Variants in RAPGEF4 observed in about 807,000 individuals in gnomAD.
RAPGEF4 encodes Rap guanine nucleotide exchange factor 4, also known as RAP guanine-nucleotide-exchange factor (GEF) 4.
RAPGEF4 carries 66 observed loss-of-function variants against 147.9 expected under a neutral mutation model. The ratio of observed to expected loss-of-function variants is 0.45; its 90% confidence interval spans 0.37 to 0.55. The LOEUF (loss-of-function observed/expected upper bound fraction) is 0.55, where lower values mean the gene tolerates loss of function less well. Among genes scored for constraint, RAPGEF4 ranks in the 20% least tolerant of loss-of-function variants. The pLI, the probability that RAPGEF4 is intolerant of heterozygous loss-of-function variation, is 0.00. For missense variants in RAPGEF4, 1,071 were observed against 1,257.3 expected, an observed-to-expected ratio of 0.85 and a Z score of 2.24; for synonymous variants, 419 against 442.7, an observed-to-expected ratio of 0.95 and a Z score of 0.67.
intron 4 of RAPGEF4, among the ~76,000 whole-genome samples, chr2:172,871,922 T>C (rs1161945620): frequency 6.6e-6 from 1 of 152,188 alleles, no homozygotes; most frequent in Non-Finnish European, 1.5e-5. Flanking sequence ...ACCAACTTGC[T>C]TGGAGTCACA....
At chr2:172,959,174 T>G (rs1689036260) in intron 6 of RAPGEF4, among the ~76,000 whole-genome samples, 1 of 152,222 alleles carries the variant, frequency 6.6e-6, no homozygotes, top group African/African-American at 2.4e-5. Flanking sequence ...GTGCTATTGT[T>G]TAGAAGTCTG....
intron 23 of RAPGEF4, among the ~76,000 whole-genome samples, chr2:173,022,163 G>A (rs1489521984): frequency 2.6e-5 from 4 of 152,194 alleles, no homozygotes; most frequent in Non-Finnish European, 4.4e-5. Flanking sequence ...CGGGTGCTGG[G>A]GACTCTCTTG....
chr2:172,824,642 G>T (rs1013032958), intron 4 of RAPGEF4, among the ~76,000 whole-genome samples: 5 of 152,194 alleles, frequency 3.3e-5, no homozygotes, highest in Non-Finnish European at 7.3e-5. Context: ...ATGTGGAATG[G>T]TTATTGGAAG....
intron 29 of RAPGEF4, among the ~76,000 whole-genome samples, chr2:173,045,472 A>C (rs12105095): frequency 0.041 from 6,291 of 152,326 alleles, 340 homozygotes; most frequent in African/African-American, 0.12. Context: ...GAAATTGAGA[A>C]TATTTAGGCT....
chr2:172,964,531 G>T (rs969697996), intron 8 of RAPGEF4, among the ~76,000 whole-genome samples: 3 of 148,250 alleles, frequency 2.0e-5, no homozygotes, highest in Non-Finnish European at 4.4e-5. Context: ...CTTCAAGATT[G>T]TTCCCAAAGT....
chr2:172,785,061 G>T (rs1685063045), intron 1 of RAPGEF4, among the ~76,000 whole-genome samples: 1 of 152,232 alleles, frequency 6.6e-6, no homozygotes, highest in South Asian at 2.1e-4. Flanking sequence ...TTGACCTCAG[G>T]TGATCTGCCC....
intron 1 of RAPGEF4, among the ~76,000 whole-genome samples, chr2:172,737,648 AT>A (rs966357313): frequency 6.6e-6 from 1 of 151,756 alleles, no homozygotes; most frequent in African/African-American, 2.4e-5. Context: ...CTTGAAATGG[AT>A]TTTTTAGAGC....
rs1696698184 is a variant in RAPGEF4, at chr2:173,026,714, G to C, written c.2379+17G>C. 1 of 1,612,894 alleles carries C rather than the reference G, an allele frequency of 6.2e-7. No individual in the cohort carries two copies. The highest frequency in any genetic ancestry group is 1.3e-5 in the African/African-American group (1 of 75,020). On this transcript the variant is annotated intron_variant, in intron 24 of 30. Coordinates refer to ENST00000397081, the MANE Select transcript of RAPGEF4 (RefSeq NM_007023.4). ...GTGCATGAGGTAAGATGCAGGATCAGATGTGTTAGTAGCTGAGATAGCAAG... is the reference window on the plus strand; with the variant it reads ...GTGCATGAGGTAAGATGCAGGATCACATGTGTTAGTAGCTGAGATAGCAAG...
intron 21 of RAPGEF4, 147 bp downstream of exon 21, chr2:173,017,651 C>A: frequency 1.4e-6 from 1 of 708,390 alleles, no homozygotes; most frequent in Non-Finnish European, 2.3e-6. Flanking sequence ...CCTTTGGTGG[C>A]CCGATTATTT....
At chr2:173,017,566 GCAT>G in intron 21 of RAPGEF4, 62 bp downstream of exon 21, 1 of 1,487,596 alleles carries the variant, frequency 6.7e-7, no homozygotes, top group Middle Eastern at 2.0e-4. Context: ...ATAATGGTAA[GCAT>G]CACCTTGGAC....
chr2:172,950,485 T>C (rs1688106097), intron 6 of RAPGEF4, among the ~76,000 whole-genome samples: 1 of 152,226 alleles, frequency 6.6e-6, no homozygotes, highest in South Asian at 2.1e-4. Context: ...AAATGGAGTG[T>C]GTTTTTTTCC....
In RAPGEF4 at chr2:173,033,649, T is replaced by C. The variant is rs1449598481; in HGVS notation, c.2650-265T>C. ...AATGCAGTCCTCTTTATAGATCGTC[T>C]AGTTCAGAAAACATTATAAAAGCAG... On this transcript the variant is annotated intron_variant, in intron 26 of 30. Coordinates refer to ENST00000397081, the MANE Select transcript of RAPGEF4 (RefSeq NM_007023.4). Among the ~76,000 whole-genome samples, 3 of 152,212 alleles carry C rather than the reference T, an allele frequency of 2.0e-5. No homozygotes were observed. In the East Asian group the frequency reaches 5.8e-4, roughly 29 times the overall value.
At chr2:172,845,297 C>T (rs1450732291) in intron 4 of RAPGEF4, among the ~76,000 whole-genome samples, 1 of 152,150 alleles carries the variant, frequency 6.6e-6, no homozygotes, top group Non-Finnish European at 1.5e-5. Context: ...GAGAAGTCAT[C>T]GCCTCTTATG....
At chr2:173,012,391 C>G (rs1695113144) in intron 17 of RAPGEF4, among the ~76,000 whole-genome samples, 1 of 152,190 alleles carries the variant, frequency 6.6e-6, no homozygotes, top group Admixed American at 6.5e-5. Flanking sequence ...CACCCCTACT[C>G]CCCACCTTGG....
chr2:172,806,015 C>CTCTGTG (rs1381635401), intron 3 of RAPGEF4, among the ~76,000 whole-genome samples: 241 of 145,414 alleles, frequency 1.7e-3, no homozygotes, highest in African/African-American at 4.4e-3. Context: ...TATTATCCGG[C>CTCTGTG]TGTGTGTGTG....
At chr2:172,746,072 G>A (rs890252859) in intron 1 of RAPGEF4, among the ~76,000 whole-genome samples, 8 of 151,882 alleles carry the variant, frequency 5.3e-5, no homozygotes, top group African/African-American at 1.5e-4. Flanking sequence ...TTGTTTTTTC[G>A]CATTTGAGCC....
rs1686235453 is a variant in RAPGEF4 at position 172,795,094 on chromosome 2, G to A, written c.135G>A (p.Glu45=). 1 of 1,613,442 alleles carries A rather than the reference G, an allele frequency of 6.2e-7. No homozygotes were observed. The highest frequency in any genetic ancestry group is 8.5e-7 in the Non-Finnish European group (1 of 1,179,416). The change falls in exon 2 of 31, where the codon GAG becomes GAA. Residue 45 remains glutamate (E), a synonymous_variant. Transcript: ENST00000397081. ...FTRLKEVKAF[E]KFHPNLLHQI... ...GACTGAAAGAAGTTAAAGCTTTTGA[G>A]AAATTTCACCCAAATCTCCTTCATC...
chr2:172,934,624 A>G (rs1182020002), intron 6 of RAPGEF4, among the ~76,000 whole-genome samples: 1 of 152,152 alleles, frequency 6.6e-6, no homozygotes, highest in African/African-American at 2.4e-5. Flanking sequence ...AGAATGTGGT[A>G]CTGAGAGAGA....
At chr2:172,961,329 T>C in intron 8 of RAPGEF4, 101 bp downstream of exon 8, 7 of 887,618 alleles carry the variant, frequency 7.9e-6, no homozygotes, top group Non-Finnish European at 1.3e-5. Context: ...GCGCAGCCCA[T>C]TTTGTAATGC....
Sources: gnomAD v4.1 joint callset for allele counts (sites outside exome capture counted in the v4.1 genomes callset) on GRCh38, gnomAD v4.1.1 for gene constraint, MANE v1.5 for transcripts, NCBI Gene and HGNC (gene_info 2026-07-23, HGNC 2026-07-21) for gene names.